RNF168: variants seen among roughly 807,000 people sequenced by gnomAD.
RNF168 encodes E3 ubiquitin-protein ligase RNF168.
Under a neutral mutation model 34.9 loss-of-function variants are expected in RNF168, and 34 were observed. That is an observed-to-expected ratio of 0.97 (90% CI 0.74 to 1.30). The LOEUF (loss-of-function observed/expected upper bound fraction) is 1.30, where lower values mean the gene tolerates loss of function less well. RNF168 is among the 50% of genes most tolerant of loss of function. The pLI is 0.00. For missense variants in RNF168, 725 were observed against 682.5 expected (o/e 1.06, Z -0.69); for synonymous variants, 264 against 254.7 (o/e 1.04, Z -0.35).
rs774159318 is a variant in RNF168, at chr3:196,483,872, C to A, written c.578G>T (p.Ser193Ile). 1 of 1,609,050 alleles carries A rather than the reference C, an allele frequency of 6.2e-7. No individual in the cohort carries two copies. Among genetic ancestry groups the A allele is most frequent in the Admixed American group, 1.7e-5 (1 of 60,000 alleles). Residue 193 changes from serine to isoleucine, a missense_variant, in exon 4 of 6, where the codon AGT (serine) becomes ATT (isoleucine). By Grantham distance (142) the Ser-to-Ile change is moderately radical. Coordinates refer to ENST00000318037, the MANE Select transcript of RNF168 (RefSeq NM_152617.4). ...GGAATTCAAGGGAGAAGCCGAGATA[C>A]TTCCCTCACAGAAATTGTTCTTCAA... Reference protein sequence around the residue: ...SIDINNFCEGSISASPLNSRK... With the variant: ...SIDINNFCEGIISASPLNSRK...
chr3:196,482,556 C>T (rs1163424908), intron 4 of RNF168, among the ~76,000 whole-genome samples: 1 of 152,212 alleles, frequency 6.6e-6, no homozygotes, highest in Non-Finnish European at 1.5e-5. Flanking sequence ...CTTTACATTC[C>T]TACCAAGCAA....
intron 1 of RNF168, among the ~76,000 whole-genome samples, chr3:196,497,571 G>A (rs1232230406): frequency 6.6e-6 from 1 of 152,106 alleles, no homozygotes; most frequent in Non-Finnish European, 1.5e-5. Flanking sequence ...TCAGGAGGCT[G>A]AGGGAGGAGA....
chr3:196,485,567 T>A (rs965347108), intron 3 of RNF168, among the ~76,000 whole-genome samples: 10 of 152,128 alleles, frequency 6.6e-5, no homozygotes. Flanking sequence ...AAACTAGATA[T>A]ACTTCTTCCC....
At chr3:196,484,226 A>G (rs1732367458) in intron 3 of RNF168, among the ~76,000 whole-genome samples, 1 of 134,180 alleles carries the variant, frequency 7.5e-6, no homozygotes. Flanking sequence ...GCTGGAGTGC[A>G]GTGGCGCGAT....
chr3:196,476,373 C>A (rs1732149607), intron 4 of RNF168, among the ~76,000 whole-genome samples: 1 of 151,320 alleles, frequency 6.6e-6, no homozygotes, highest in Non-Finnish European at 1.5e-5. Context: ...CCTTACTATT[C>A]TGGTATAGAG....
Position 196,471,195 on chromosome 3 carries a change from C to CAA in RNF168, c.*623_*624insTT, listed in dbSNP as rs1731991436. ...TGCGTGACAGAGCAAGACTCTGTCT[C>CAA]CAAAAAAAAAAAAAAAAAAAAAAAA... is the stretch of plus-strand genomic sequence containing the variant. On this transcript the variant is annotated 3_prime_UTR_variant, in exon 6 of 6. Transcript: ENST00000318037. The CAA allele has an allele frequency of 5.0e-5, 1 of 19,834 alleles. No individual in the cohort carries two copies. Among genetic ancestry groups the CAA allele is most frequent in the Non-Finnish European group, 1.5e-4 (1 of 6,886 alleles). 1.2% of individuals were successfully genotyped at this position (19,834 alleles called of 1,614,324 possible).
At chr3:196,498,654 C>T (rs1353159520) in intron 1 of RNF168, among the ~76,000 whole-genome samples, 1 of 152,076 alleles carries the variant, frequency 6.6e-6, no homozygotes, top group East Asian at 1.9e-4. Context: ...TCATATACAG[C>T]ATAGTCAATG....
chr3:196,502,286 TATAG>T (rs757274909), intron 1 of RNF168, among the ~76,000 whole-genome samples: 28 of 152,040 alleles, frequency 1.8e-4, no homozygotes, highest in Non-Finnish European at 3.2e-4. Flanking sequence ...AATGGAGATG[TATAG>T]ATAAGTAAAT....
In RNF168 at chr3:196,472,714, A is replaced by T; in HGVS notation, c.821T>A (p.Met274Lys). Residue 274 changes from methionine to lysine, a missense_variant, in exon 6 of 6, where the codon ATG becomes AAG. Transcript: ENST00000318037. ...GGATATCTGTGGAGAAAGTGTCGGC[A>T]TATCTTCTATTTCTGTGTCTTGCCC... The part of the protein sequence containing the change: ...PTGQDTEIED[M>K]PTLSPQISLG... 3.1e-6 allele frequency: 5 copies of T among 1,608,076 alleles called. No individual in the cohort carries two copies. The highest frequency in any genetic ancestry group is 4.3e-6 in the Non-Finnish European group (5 of 1,174,808).
intron 4 of RNF168, among the ~76,000 whole-genome samples, chr3:196,482,037 G>A (rs1448990680): frequency 2.0e-5 from 3 of 149,778 alleles, no homozygotes; most frequent in South Asian, 2.1e-4. Flanking sequence ...AACTCCCTGG[G>A]CTTAAGCAAT....
chr3:196,475,242 A>G lies in RNF168; in HGVS notation c.751T>C (p.Ser251Pro), dbSNP rs768206290. 6 of 1,591,860 alleles carry G rather than the reference A, an allele frequency of 3.8e-6. No homozygotes were observed. The highest frequency in any genetic ancestry group is 5.2e-6 in the Non-Finnish European group (6 of 1,159,850). Residue 251 changes from serine (S) to proline (P), a missense_variant, in exon 5 of 6, where the codon TCC becomes CCC. Coordinates refer to ENST00000318037, the MANE Select transcript of RNF168 (RefSeq NM_152617.4). The part of the protein sequence containing the change: ...SEAVQEVRKD[S>P]VSKDIDSSDR... ...CAGTATCAACATACCTTAGATACGGAGTCTTTCCTGACTTCTTGTACAGCT... is the reference window on the plus strand; with the variant it reads ...CAGTATCAACATACCTTAGATACGGGGTCTTTCCTGACTTCTTGTACAGCT...
Position 196,472,508 on chromosome 3 carries a change from T to C in RNF168, c.1027A>G (p.Thr343Ala), listed in dbSNP as rs757710806. ...GTTCTGCCACAAGGCATAACTGCAGTTTCTTTCGAGTAGGGAACTCTGGTT... is the reference window on the plus strand; with the variant it reads ...GTTCTGCCACAAGGCATAACTGCAGCTTCTTTCGAGTAGGGAACTCTGGTT... ...PKTRVPYSKE[T>A]AVMPCGRTES... Residue 343 changes from threonine to alanine, a missense_variant, in exon 6 of 6, where the codon ACT becomes GCT. Coordinates refer to ENST00000318037, the MANE Select transcript of RNF168 (RefSeq NM_152617.4). 6 of 1,614,196 alleles carry C rather than the reference T, an allele frequency of 3.7e-6. No homozygotes were observed. Among genetic ancestry groups the C allele is most frequent in the Non-Finnish European group, 5.1e-6 (6 of 1,180,030 alleles).
At chr3:196,478,536 A>G (rs1333338055) in intron 4 of RNF168, among the ~76,000 whole-genome samples, 1 of 152,158 alleles carries the variant, frequency 6.6e-6, no homozygotes, top group African/African-American at 2.4e-5. Flanking sequence ...GAGGCTGCCC[A>G]ATTTGTGAAT....
At chr3:196,489,553 C>T (rs1260497628) in intron 1 of RNF168, among the ~76,000 whole-genome samples, 1 of 152,110 alleles carries the variant, frequency 6.6e-6, no homozygotes, top group Non-Finnish European at 1.5e-5. Context: ...TTTCGAACTC[C>T]TAATGTCGGG....
At chr3:196,489,351 G>C (rs940579885) in intron 1 of RNF168, among the ~76,000 whole-genome samples, 6 of 150,296 alleles carry the variant, frequency 4.0e-5, no homozygotes, top group African/African-American at 1.2e-4. Context: ...TTTTGAGACA[G>C]AGTCTTGCTC....
rs145445012 is a variant in RNF168, at chr3:196,483,682, CT to C, written c.680+87del. ...TTTCATACAAAGTTCACGGACCAAA[CT>C]TTGAGAATCAGTAGTAGTCTATATG... is the stretch of plus-strand genomic sequence containing the variant. On this transcript the variant is annotated intron_variant, in intron 4 of 5. Coordinates refer to ENST00000318037, the MANE Select transcript of RNF168 (RefSeq NM_152617.4). 452 of 1,169,832 alleles carry C rather than the reference CT, an allele frequency of 3.9e-4. 2 individuals are homozygous for C. In the African/African-American group the frequency reaches 6.2e-3, roughly 16 times the overall value. 72.5% of individuals were successfully genotyped at this position (1,169,832 alleles called of 1,614,324 possible). A position where few individuals can be genotyped will look rare whatever the true frequency, so the allele number is the denominator to read the frequency against.
At chr3:196,497,796 T>C (rs1732782004) in intron 1 of RNF168, among the ~76,000 whole-genome samples, 1 of 152,198 alleles carries the variant, frequency 6.6e-6, no homozygotes, top group South Asian at 2.1e-4. Flanking sequence ...TGAGACTTCA[T>C]GAAAATTAAG....
chr3:196,491,693 T>C (rs750591284), intron 1 of RNF168, among the ~76,000 whole-genome samples: 1 of 151,792 alleles, frequency 6.6e-6, no homozygotes, highest in Non-Finnish European at 1.5e-5. Flanking sequence ...ATTAGGGAAG[T>C]GCAAATCCTG....
At chr3:196,497,316 T>A (rs1732766736) in intron 1 of RNF168, among the ~76,000 whole-genome samples, 1 of 152,092 alleles carries the variant, frequency 6.6e-6, no homozygotes, top group Non-Finnish European at 1.5e-5. Flanking sequence ...AAAGTTAACC[T>A]CAACCCCCTA....
Sources: gnomAD v4.1 joint callset for allele counts (sites outside exome capture counted in the v4.1 genomes callset) on GRCh38, gnomAD v4.1.1 for gene constraint, MANE v1.5 for transcripts, NCBI Gene and HGNC (gene_info 2026-07-23, HGNC 2026-07-21) for gene names.